The following PASK variants were observed in gnomAD, a reference collection of about 807,000 sequenced individuals.
PASK encodes the protein PAS domain-containing serine/threonine-protein kinase.
PASK carries 110 observed loss-of-function variants against 121.0 expected under a neutral mutation model. The ratio of observed to expected loss-of-function variants is 0.91; its 90% confidence interval spans 0.78 to 1.06. The LOEUF (loss-of-function observed/expected upper bound fraction) is 1.06. PASK is among the 50% of genes least tolerant of loss of function. The pLI is 0.00. For synonymous variants in PASK, 686 were observed against 717.8 expected (o/e 0.96, Z 0.71); for missense variants, 1,643 against 1,702.3 (o/e 0.97, Z 0.61).
intron 12 of PASK, among the ~76,000 whole-genome samples, chr2:241,121,566 C>T (rs2065612868): frequency 6.6e-6 from 1 of 152,178 alleles, no homozygotes; most frequent in Admixed American, 6.5e-5. Context: ...ATAAACACCT[C>T]AATTAGAGAC....
chr2:241,127,618 C>T, intron 9 of PASK, 167 bp from the exon 10 acceptor site: 2 of 665,434 alleles, frequency 3.0e-6, no homozygotes, highest in Non-Finnish European at 5.4e-6. Context: ...AGCACTTAGT[C>T]TCAAATTTCT....
intron 6 of PASK, 151 bp downstream of exon 6, chr2:241,137,801 CA>C (rs2066510342): frequency 1.2e-6 from 1 of 810,060 alleles, no homozygotes; most frequent in African/African-American, 1.7e-5. Context: ...GGCCCTTGGT[CA>C]AGGCCTCAGC....
intron 8 of PASK, among the ~76,000 whole-genome samples, chr2:241,135,250 C>A (rs1410889802): frequency 6.6e-6 from 1 of 152,214 alleles, no homozygotes; most frequent in Non-Finnish European, 1.5e-5. Flanking sequence ...CCAGGAAATA[C>A]TGGTAGAACA....
intron 16 of PASK, 108 bp from the exon 17 acceptor site, chr2:241,107,607 G>T: frequency 1.8e-6 from 2 of 1,098,658 alleles, no homozygotes; most frequent in African/African-American, 1.5e-5. Flanking sequence ...GACTGGGCAG[G>T]TGGCGGCCCA....
Position 241,137,998 on chromosome 2 carries a change from C to G in PASK, c.831G>C (p.Leu277=). ...EDVAGQHITD[L]IPSVQLPPSG... is the part of the protein sequence containing the mutation. Reference sequence around the variant, plus strand: ...AAGGAGGGAGCTGCACAGAAGGGATCAGGTCTGTGATATGCTGCCCAGCCA... The same window carrying G: ...AAGGAGGGAGCTGCACAGAAGGGATGAGGTCTGTGATATGCTGCCCAGCCA... Residue 277 remains leucine (L), a synonymous_variant, in exon 6 of 18, where the codon CTG becomes CTC. Coordinates refer to ENST00000234040, the MANE Select transcript of PASK (RefSeq NM_015148.4). 2 of 1,614,230 alleles carry G rather than the reference C, an allele frequency of 1.2e-6. No homozygotes were observed. The highest frequency in any genetic ancestry group is 1.7e-6 in the Non-Finnish European group (2 of 1,180,024).
intron 17 of PASK, 50 bp downstream of exon 17, chr2:241,107,303 G>C: frequency 6.4e-7 from 1 of 1,563,270 alleles, no homozygotes; most frequent in Non-Finnish European, 8.8e-7. Flanking sequence ...TGGGGACCTC[G>C]TTATTCCAAG....
rs752711792 is a variant in PASK at position 241,142,930 on chromosome 2, C to G, written c.103G>C (p.Ala35Pro). The change falls in exon 2 of 18, where the codon GCT becomes CCT. Residue 35 changes from alanine (A) to proline (P), a missense_variant. By Grantham distance (27) the Ala-to-Pro change is conservative. Coordinates refer to ENST00000234040, the MANE Select transcript of PASK (RefSeq NM_015148.4). ...GAGGAAAACGACCTGCTGGGCTCAG[C>G]AGTGGTCTGTGCAGCTGGGCCCTCT... ...SAEGPAAQTT[A>P]EPSRSFSSAH... The G allele has an allele frequency of 2.5e-6, 4 of 1,614,016 alleles. No individual in the cohort carries two copies. In the East Asian group the frequency reaches 8.9e-5, roughly 36 times the overall value.
At chr2:241,143,879 AG>A (rs998959876) in intron 1 of PASK, among the ~76,000 whole-genome samples, 2 of 152,284 alleles carry the variant, frequency 1.3e-5, no homozygotes, top group African/African-American at 2.4e-5. Flanking sequence ...TCCTAGAGAC[AG>A]GCCTGGCACC....
rs768409016 is a variant in PASK at position 241,122,863 on chromosome 2, T to TG, written c.2940dup (p.Lys981GlnfsTer12). On this transcript the variant is annotated frameshift_variant, in exon 12 of 18. Transcript: ENST00000234040. LOFTEE classifies it high-confidence loss of function. Reference sequence around the variant, plus strand: ...GCCAACCCCTCCAGTTCCACAGCCTTGGGGGGCTCCTCAAACCAGGGTCTG... The same window carrying TG: ...GCCAACCCCTCCAGTTCCACAGCCTTGGGGGGGCTCCTCAAACCAGGGTCTG... 1.2e-6 allele frequency: 2 copies of TG among 1,613,980 alleles called. No individual in the cohort carries two copies. The highest frequency in any genetic ancestry group is 1.7e-6 in the Non-Finnish European group (2 of 1,179,986).
At position 241,115,167 on chromosome 2, in the gene PASK, A is replaced by C; in HGVS notation, c.3209T>G (p.Ile1070Arg). The C allele has an allele frequency of 6.2e-7, 1 of 1,614,058 alleles. No homozygotes were observed. The highest frequency in any genetic ancestry group is 8.5e-7 in the Non-Finnish European group (1 of 1,179,952). The change falls in exon 14 of 18, where the codon ATA (isoleucine) becomes AGA (arginine). Residue 1070 changes from isoleucine (I) to arginine (R), a missense_variant. Around this residue, in one of 3 missense-constraint regions of PASK, gnomAD observed 453 missense variants for 511.2 expected, o/e 0.89. Coordinates refer to ENST00000234040, the MANE Select transcript of PASK (RefSeq NM_015148.4). ...EHANIIKVLD[I>R]FENQGFFQLV... ...CTGGAAGAACCCTTGGTTTTCAAAT[A>C]TATCCAATACCTAGGAAGAGACAAA...
intron 12 of PASK, chr2:241,119,057 G>A (rs1381969748): frequency 3.8e-6 from 2 of 525,066 alleles, no homozygotes; most frequent in Non-Finnish European, 5.0e-6. Context: ...AGGCTGGACA[G>A]AGGGAGGATT....
chr2:241,122,898 A>G lies in PASK; in HGVS notation c.2906T>C (p.Val969Ala). Reference protein sequence around the residue: ...AELTGPSLVEVLRARPWFEEP... With the variant: ...AELTGPSLVEALRARPWFEEP... The stretch of plus-strand genomic sequence containing the variant: ...CTCAAACCAGGGTCTGGCTCTGAGC[A>G]CCTGCAATGCAGAAGAAGGTCTGTG... Residue 969 changes from valine (V) to alanine (A), a missense_variant and splice_region_variant, in exon 12 of 18, where the codon GTG becomes GCG. Coordinates refer to ENST00000234040, the MANE Select transcript of PASK (RefSeq NM_015148.4). 1 of 1,613,736 alleles carries G rather than the reference A, an allele frequency of 6.2e-7. No homozygotes were observed.
chr2:241,144,915 G>C (rs2066886260), intron 1 of PASK, among the ~76,000 whole-genome samples: 1 of 152,140 alleles, frequency 6.6e-6, no homozygotes, highest in South Asian at 2.1e-4. Flanking sequence ...CTCCCTGTTT[G>C]TTTGTTTCTT....
chr2:241,146,255 T>C (rs1013211563), intron 1 of PASK, among the ~76,000 whole-genome samples: 3 of 152,196 alleles, frequency 2.0e-5, no homozygotes, highest in African/African-American at 7.2e-5. Flanking sequence ...AGGATTTGGA[T>C]CAACAGGAAC....
At position 241,140,761 on chromosome 2, in the gene PASK, G is replaced by C. The variant is rs2066665438; in HGVS notation, c.197-8C>G. ...AGGAGCTCCATCTGTCTTCTGAAAA[G>C]AGAAGCGAAGCGAAGCTTTAGACTT... On this transcript the variant is annotated splice_polypyrimidine_tract_variant and splice_region_variant and intron_variant, in intron 2 of 17. Transcript: ENST00000234040. The C allele has an allele frequency of 8.8e-6, 14 of 1,583,880 alleles. No homozygotes were observed. Among genetic ancestry groups the C allele is most frequent in the Non-Finnish European group, 1.2e-5 (14 of 1,152,600 alleles).
intron 1 of PASK, among the ~76,000 whole-genome samples, chr2:241,143,408 G>A (rs1016203197): frequency 7.2e-5 from 11 of 152,154 alleles, no homozygotes; most frequent in Admixed American, 1.3e-4. Context: ...AAAATTAGCC[G>A]GGCATGGTGG....
At chr2:241,140,455 C>T (rs2066650497) in intron 3 of PASK, 66 bp downstream of exon 3, 1 of 1,165,012 alleles carries the variant, frequency 8.6e-7, no homozygotes, top group Admixed American at 2.0e-5. Flanking sequence ...ACACACAAAT[C>T]CCAGGTTTAA....
Position 241,127,428 on chromosome 2 carries a change from C to A in PASK, c.1487G>T (p.Ser496Ile). Residue 496 changes from serine (S) to isoleucine (I), a missense_variant, in exon 10 of 18, where the codon AGC becomes ATC. Ser to Ile is a moderately radical substitution (Grantham distance 142). This residue lies in a region of PASK where 1,176 missense variants were observed against 1,162.2 expected (regional missense o/e 1.01). Transcript: ENST00000234040. The part of the protein sequence containing the change: ...APGVDNVPEG[S>I]LPVHGEQALP... ...CGCCTGTTCACCGTGCACTGGCAGG[C>A]TTCCTTCTGGGACATTGTCCACCCT... 1 of 1,614,082 alleles carries A rather than the reference C, an allele frequency of 6.2e-7. No homozygotes were observed.
At chr2:241,150,062 T>C (rs1163857367), upstream of PASK, 10 of 1,340,642 alleles carry the variant, frequency 7.5e-6, no homozygotes, top group Non-Finnish European at 9.6e-6. Context: ...GGGATGCACG[T>C]AGGACTGGCC....
Sources: gnomAD v4.1 joint callset for allele counts (sites outside exome capture counted in the v4.1 genomes callset) on GRCh38, gnomAD v4.1.1 for gene constraint, gnomAD v4.1.1 regional missense constraint, MANE v1.5 for transcripts, NCBI Gene and HGNC (gene_info 2026-07-23, HGNC 2026-07-21) for gene names.